Variants in ECPAS observed in about 807,000 individuals in gnomAD.
ECPAS encodes the protein Ecm29 proteasome adaptor and scaffold, also known as proteasome adapter and scaffold protein ECM29.
In ECPAS, 70 loss-of-function variants were observed where a neutral mutation model predicts 255.1. That is an observed-to-expected ratio of 0.27 (90% confidence interval 0.23 to 0.33). ECPAS has a LOEUF of 0.33. Ranked by LOEUF, ECPAS falls within the 10% of genes least tolerant of loss-of-function variation. ECPAS has a pLI of 1.00. For missense variants in ECPAS, 1,817 were observed against 2,206.4 expected (o/e 0.82, Z 3.54); for synonymous variants, 784 against 775.0 (o/e 1.01, Z -0.19).
intron 2 of ECPAS, among the ~76,000 whole-genome samples, chr9:111,460,992 T>C (rs531316339): frequency 4.6e-5 from 7 of 151,710 alleles, no homozygotes; most frequent in African/African-American, 1.7e-4. Flanking sequence ...AGGAAGATAC[T>C]AACTATCTCA....
intron 24 of ECPAS, among the ~76,000 whole-genome samples, chr9:111,400,684 G>T (rs2098174533): frequency 6.6e-6 from 1 of 152,124 alleles, no homozygotes; most frequent in African/African-American, 2.4e-5. Flanking sequence ...TCAAGTAGAA[G>T]AAAGAATTAG....
chr9:111,406,258 A>C (rs900773372), intron 24 of ECPAS, among the ~76,000 whole-genome samples: 2 of 149,712 alleles, frequency 1.3e-5, no homozygotes, highest in Non-Finnish European at 2.9e-5. Flanking sequence ...ATTTAGCAAA[A>C]ATAAGCCAGG....
At chr9:111,447,091 C>T (rs2098254110) in intron 3 of ECPAS, among the ~76,000 whole-genome samples, 1 of 151,650 alleles carries the variant, frequency 6.6e-6, no homozygotes, top group South Asian at 2.1e-4. Flanking sequence ...ATCTTGCCCA[C>T]AATTGCATGC....
chr9:111,395,655 TTGCTTAAGTC>T (rs1449938322), intron 25 of ECPAS, among the ~76,000 whole-genome samples: 1 of 152,120 alleles, frequency 6.6e-6, no homozygotes, highest in Non-Finnish European at 1.5e-5. Flanking sequence ...TAACCTCTAC[TTGCTTAAGTC>T]ACTAGGTAAA....
rs773359509 is a variant in ECPAS, at chr9:111,374,027, G to C, written c.4122C>G (p.Ala1374=). The C allele has an allele frequency of 2.5e-6, 4 of 1,612,540 alleles. No individual in the cohort carries two copies. The African/African-American group carries it at 5.3e-5, about 22-fold the overall frequency. The part of the protein sequence containing the change: ...GVGLGTKGGC[A]SVIVSLTTQC... ...GAGTAGTTAATGACACAATGACACT[G>C]GCACAGCCACCCTACAGGGTTACAA... The change falls in exon 39 of 50, where the codon GCC becomes GCG. Residue 1374 remains alanine, a synonymous_variant. Coordinates refer to ENST00000684092, the MANE Select transcript of ECPAS (RefSeq NM_001364929.1).
chr9:111,410,876 G>C, intron 22 of ECPAS, 104 bp downstream of exon 22: 1 of 1,189,122 alleles, frequency 8.4e-7, no homozygotes, highest in South Asian at 1.6e-5. Context: ...AAAAGCTTGT[G>C]TCTTTTCAAA....
chr9:111,387,434 G>A (rs2098151177), intron 31 of ECPAS, among the ~76,000 whole-genome samples: 1 of 151,820 alleles, frequency 6.6e-6, no homozygotes, highest in Non-Finnish European at 1.5e-5. Context: ...CTCATCGTCA[G>A]TGCAGTTATT....
chr9:111,453,702 ATTTTACCCC>A (rs1459448268), intron 2 of ECPAS, among the ~76,000 whole-genome samples: 1 of 152,218 alleles, frequency 6.6e-6, no homozygotes, highest in Non-Finnish European at 1.5e-5. Context: ...CAAGAAAGGC[ATTTTACCCC>A]TCTGGTATTC....
chr9:111,460,530 A>G, intron 2 of ECPAS, among the ~76,000 whole-genome samples: 2 of 152,344 alleles, frequency 1.3e-5, no homozygotes, highest in South Asian at 4.1e-4. Context: ...TTACAAAGGA[A>G]GAAATAATAT....
At chr9:111,389,433 T>C (rs2098155818) in intron 31 of ECPAS, 123 bp downstream of exon 31, 3 of 855,700 alleles carry the variant, frequency 3.5e-6, no homozygotes, top group Non-Finnish European at 5.0e-6. Context: ...TGAAAGACAA[T>C]TTATTTGTTT....
intron 2 of ECPAS, among the ~76,000 whole-genome samples, chr9:111,452,602 A>T (rs2098261743): frequency 6.6e-6 from 1 of 152,226 alleles, no homozygotes. Context: ...CATAACAGAT[A>T]CTGAGAATTA....
rs747314414 is a variant in ECPAS at position 111,373,963 on chromosome 9, C to T, written c.4177+9G>A. On this transcript the variant is annotated intron_variant, in intron 39 of 49. Coordinates refer to ENST00000684092, the MANE Select transcript of ECPAS (RefSeq NM_001364929.1). ...AAAAATATCACCACACATCCCTTGA[C>T]AAACTCACCTGAGTAAGGTGTTAGG... 7 of 1,607,888 alleles carry T rather than the reference C, an allele frequency of 4.4e-6. No homozygotes were observed. Among genetic ancestry groups the T allele is most frequent in the Non-Finnish European group, 6.0e-6 (7 of 1,174,372 alleles).
chr9:111,447,287 G>T (rs1487210087), intron 3 of ECPAS, among the ~76,000 whole-genome samples: 3 of 151,858 alleles, frequency 2.0e-5, no homozygotes, highest in Admixed American at 1.3e-4. Flanking sequence ...ACCATGCATG[G>T]TTTTTTTCTT....
At chr9:111,475,920 G>A (rs1166647920) in intron 1 of ECPAS, among the ~76,000 whole-genome samples, 3 of 152,134 alleles carry the variant, frequency 2.0e-5, no homozygotes, top group African/African-American at 7.2e-5. Context: ...CCTGTATTCT[G>A]GTCATTTAAG....
At chr9:111,462,646 A>T (rs2098274486) in intron 2 of ECPAS, among the ~76,000 whole-genome samples, 1 of 152,182 alleles carries the variant, frequency 6.6e-6, no homozygotes, top group Non-Finnish European at 1.5e-5. Context: ...AATAAATCTA[A>T]TGAAACATGT....
At chr9:111,471,059 G>A (rs572871128) in intron 2 of ECPAS, among the ~76,000 whole-genome samples, 6 of 152,126 alleles carry the variant, frequency 3.9e-5, no homozygotes, top group Non-Finnish European at 7.3e-5. Flanking sequence ...TCTAATGTAC[G>A]ATCGTTAAGA....
chr9:111,370,790 T>TA, intron 43 of ECPAS, 25 bp from the exon 44 acceptor site: 1 of 1,582,282 alleles, frequency 6.3e-7, no homozygotes, highest in Non-Finnish European at 8.6e-7. Context: ...GATGAGGAAA[T>TA]ACTATTAAGC....
intron 48 of ECPAS, chr9:111,365,503 C>A (rs2098119354): frequency 6.6e-6 from 1 of 152,284 alleles, no homozygotes; most frequent in Admixed American, 6.6e-5. Flanking sequence ...CCTGTCTCTA[C>A]AAAAATACAA....
At chr9:111,365,930 G>T in intron 48 of ECPAS, 1 of 299,018 alleles carries the variant, frequency 3.3e-6, no homozygotes, top group Non-Finnish European at 6.2e-6. Flanking sequence ...TCTGCATAAA[G>T]TGTATACATA....
Sources: allele counts gnomAD v4.1 joint callset (sites outside exome capture counted in the v4.1 genomes callset), GRCh38; gene constraint gnomAD v4.1.1; transcripts MANE v1.5; gene names NCBI Gene and HGNC (gene_info 2026-07-23, HGNC 2026-07-21).